ZBED3: variants seen among roughly 807,000 people sequenced by gnomAD.
ZBED3 encodes zinc finger BED domain-containing protein 3.
For missense variants in ZBED3, 388 were observed against 362.9 expected, an observed-to-expected ratio of 1.07 and a Z score of -0.56; for synonymous variants, 175 against 180.0, an observed-to-expected ratio of 0.97 and a Z score of 0.22.
At chr5:77,086,322 T>C (rs1228360883) in intron 1 of ZBED3, among the ~76,000 whole-genome samples, 2 of 152,152 alleles carry the variant, frequency 1.3e-5, no homozygotes, top group Non-Finnish European at 2.9e-5. Flanking sequence ...TACGTATTGC[T>C]GTCTACTTTT....
chr5:77,077,593 C>A lies in ZBED3; in HGVS notation c.286G>T (p.Ala96Ser). The change falls in exon 3 of 3, where the codon GCG becomes TCG. Residue 96 changes from alanine to serine, a missense_variant. By Grantham distance (99) the Ala-to-Ser change is moderately conservative. Coordinates refer to ENST00000255198, the MANE Select transcript of ZBED3 (RefSeq NM_032367.4). ...CTGCTCTCCAGCTCCCGCCGGTGCG[C>A]GCTCCTCAGGTGCCTCCACAACGCC... ...TSALWRHLRS[A>S]HRRELESSGA... 7.4e-7 allele frequency: 1 copy of A among 1,351,322 alleles called. No homozygotes were observed. The highest frequency in any genetic ancestry group is 9.5e-7 in the Non-Finnish European group (1 of 1,049,728). 83.7% of individuals were successfully genotyped at this position (1,351,322 alleles called of 1,614,324 possible). A position where few individuals can be genotyped will look rare whatever the true frequency, so the allele number is the denominator to read the frequency against.
In ZBED3 at chr5:77,077,415, A is replaced by G. The variant is rs2303713; in HGVS notation, c.464T>C (p.Leu155Pro). 0.28 allele frequency: 338,820 copies of G among 1,231,202 alleles called. 47,933 individuals are homozygous for G. Among genetic ancestry groups the G allele is most frequent in the Non-Finnish European group, 0.29 (282,852 of 985,018 alleles). 76.3% of individuals were successfully genotyped at this position (1,231,202 alleles called of 1,614,324 possible). The change falls in exon 3 of 3, where the codon CTG (leucine) becomes CCG (proline). Residue 155 changes from leucine (L) to proline (P), a missense_variant. By Grantham distance (98) the Leu-to-Pro change is moderately conservative. Coordinates refer to ENST00000255198, the MANE Select transcript of ZBED3 (RefSeq NM_032367.4). The part of the protein sequence containing the change: ...RRERELERRE[L>P]AVEQGERALE... ...GGCGCGCTCGCCCTGCTCCACGGCCAGCTCGCGCCGCTCCAGCTCCCGCTC... is the reference window on the plus strand; with the variant it reads ...GGCGCGCTCGCCCTGCTCCACGGCCGGCTCGCGCCGCTCCAGCTCCCGCTC...
At position 77,077,276 on chromosome 5, in the gene ZBED3, G is replaced by A; in HGVS notation, c.603C>T (p.Arg201=). 1 of 1,416,638 alleles carries A rather than the reference G, an allele frequency of 7.1e-7. No individual in the cohort carries two copies. The highest frequency in any genetic ancestry group is 9.2e-7 in the Non-Finnish European group (1 of 1,086,702). The allele number at this position is 1,416,638 out of a possible 1,614,324, so 87.8% of individuals were successfully genotyped here. A position where few individuals can be genotyped will look rare whatever the true frequency, so the allele number is the denominator to read the frequency against. The change falls in exon 3 of 3, where the codon CGC becomes CGT. Residue 201 remains arginine (R), a synonymous_variant. Transcript: ENST00000255198. ...ALQARLRDVS[R]REGALGWAPA... ...GGGCCCAGCCCAGGGCGCCCTCACG[G>A]CGGCTCACATCCCGCAGCCGCGCCT...
Position 77,077,464 on chromosome 5 carries a change from G to T in ZBED3, c.415C>A (p.Leu139Met). Residue 139 changes from leucine to methionine, a missense_variant, in exon 3 of 3, where the codon CTG (leucine) becomes ATG (methionine). Transcript: ENST00000255198. The part of the protein sequence containing the change: ...WARLLEQMGA[L>M]AVRGSRRERE... ...TCCCGCCGGCTGCCGCGCACGGCCA[G>T]CGCGCCCATCTGTTCCAGCAGGCGC... The T allele has an allele frequency of 8.3e-7, 1 of 1,208,016 alleles. No individual in the cohort carries two copies. Among genetic ancestry groups the T allele is most frequent in the Non-Finnish European group, 1.0e-6 (1 of 973,214 alleles). 74.8% of individuals were successfully genotyped at this position (1,208,016 alleles called of 1,614,324 possible). A position where few individuals can be genotyped will look rare whatever the true frequency, so the allele number is the denominator to read the frequency against.
Position 77,075,307 on chromosome 5 carries a change from G to A in ZBED3, c.*1867C>T, listed in dbSNP as rs1178863979. 1 of 152,186 alleles carries A rather than the reference G, an allele frequency of 6.6e-6. No individual in the cohort carries two copies. Among genetic ancestry groups the A allele is most frequent in the Non-Finnish European group, 1.5e-5 (1 of 68,030 alleles). 9.4% of individuals were successfully genotyped at this position (152,186 alleles called of 1,614,324 possible). Reference sequence around the variant, plus strand: ...GGGAAAATATGTTGGGGTTGTTGTAGACTGAAAGTGACTAGAGTTGAAACC... The same window carrying A: ...GGGAAAATATGTTGGGGTTGTTGTAAACTGAAAGTGACTAGAGTTGAAACC... On this transcript the variant is annotated 3_prime_UTR_variant, in exon 3 of 3. Transcript: ENST00000255198.
chr5:77,085,379 A>G (rs1743216857), intron 1 of ZBED3, among the ~76,000 whole-genome samples: 2 of 152,244 alleles, frequency 1.3e-5, no homozygotes, highest in African/African-American at 4.8e-5. Context: ...CACATAAAAA[A>G]TATTTGGCAG....
Position 77,076,763 on chromosome 5 carries a change from G to C in ZBED3, c.*411C>G, listed in dbSNP as rs1416009585. ...TCCACCTTGGGCTGCTGGGTGTATA[G>C]GCACATGGTGTGATAAGTCTTTGGT... On this transcript the variant is annotated 3_prime_UTR_variant, in exon 3 of 3. Transcript: ENST00000255198. The C allele has an allele frequency of 1.3e-5, 2 of 157,548 alleles. No individual in the cohort carries two copies. The highest frequency in any genetic ancestry group is 2.4e-5 in the African/African-American group (1 of 41,390). 9.8% of individuals were successfully genotyped at this position (157,548 alleles called of 1,614,324 possible).
rs1159328230 is a variant in ZBED3 at position 77,075,944 on chromosome 5, CAT to C, written c.*1228_*1229del. On this transcript the variant is annotated 3_prime_UTR_variant, in exon 3 of 3. Coordinates refer to ENST00000255198, the MANE Select transcript of ZBED3 (RefSeq NM_032367.4). The stretch of plus-strand genomic sequence containing the variant: ...CCTAGAACTTAAAGTATTATATATA[CAT>C]ATATATATATATATATATATGTATA... 0.047 allele frequency: 1,112 copies of C among 23,614 alleles called. 313 individuals carry two copies. Among genetic ancestry groups the C allele is most frequent in the African/African-American group, 0.14 (852 of 6,170 alleles). The allele number at this position is 23,614 out of a possible 1,614,324, so 1.5% of individuals were successfully genotyped here.
intron 1 of ZBED3, among the ~76,000 whole-genome samples, chr5:77,081,801 T>C (rs1020449085): frequency 3.2e-4 from 49 of 152,186 alleles, no homozygotes; most frequent in African/African-American, 1.1e-3. Flanking sequence ...CCAACTCTCA[T>C]TCAAATGCTC....
chr5:77,087,103 A>C lies in ZBED3; in HGVS notation c.-153+8T>G, dbSNP rs942568740. The C allele has an allele frequency of 1.3e-5, 2 of 152,336 alleles. No individual in the cohort carries two copies. The highest frequency in any genetic ancestry group is 2.9e-5 in the Non-Finnish European group (2 of 68,144). The allele number at this position is 152,336 out of a possible 1,614,324, so 9.4% of individuals were successfully genotyped here. The stretch of plus-strand genomic sequence containing the variant: ...GCCTCGCCACCGAGTCTGGAAGCCC[A>C]CACTCACCCCTTTACCCGGGAAACG... On this transcript the variant is annotated splice_region_variant and intron_variant, in intron 1 of 2. Coordinates refer to ENST00000255198, the MANE Select transcript of ZBED3 (RefSeq NM_032367.4).
In ZBED3 at chr5:77,075,501, G is replaced by A. The variant is rs1580143693; in HGVS notation, c.*1673C>T. On this transcript the variant is annotated 3_prime_UTR_variant, in exon 3 of 3. Transcript: ENST00000255198. Reference sequence around the variant, plus strand: ...CATCTTAATGTAATCATGTAGAACGGTGTCTTTGTGCTCAGGAAATCTATG... The same window carrying A: ...CATCTTAATGTAATCATGTAGAACGATGTCTTTGTGCTCAGGAAATCTATG... 1 of 152,098 alleles carries A rather than the reference G, an allele frequency of 6.6e-6. No homozygotes were observed. The highest frequency in any genetic ancestry group is 6.5e-5 in the Admixed American group (1 of 15,274). 9.4% of individuals were successfully genotyped at this position (152,098 alleles called of 1,614,324 possible).
chr5:77,084,914 G>T (rs1743207500), intron 1 of ZBED3, among the ~76,000 whole-genome samples: 1 of 152,144 alleles, frequency 6.6e-6, no homozygotes, highest in Non-Finnish European at 1.5e-5. Flanking sequence ...CTGCTAACAT[G>T]AAATTAACAG....
intron 1 of ZBED3, among the ~76,000 whole-genome samples, chr5:77,085,902 G>T (rs1310498367): frequency 6.6e-6 from 1 of 152,186 alleles, no homozygotes; most frequent in Non-Finnish European, 1.5e-5. Flanking sequence ...TAAAAATTTA[G>T]AAAAAGGTTA....
chr5:77,077,159 G>A lies in ZBED3; in HGVS notation c.*15C>T, dbSNP rs763172780. The A allele has an allele frequency of 1.0e-5, 15 of 1,435,654 alleles. No individual in the cohort carries two copies. In the African/African-American group the frequency reaches 1.8e-4, roughly 17 times the overall value. The allele number at this position is 1,435,654 out of a possible 1,614,324, so 88.9% of individuals were successfully genotyped here. Reference sequence around the variant, plus strand: ...CGGAGAAGCGCTGTCCTGGGGTGGGGAAGTGGCCACACCCCTACAGGAGGA... The same window carrying A: ...CGGAGAAGCGCTGTCCTGGGGTGGGAAAGTGGCCACACCCCTACAGGAGGA... On this transcript the variant is annotated 3_prime_UTR_variant, in exon 3 of 3. Coordinates refer to ENST00000255198, the MANE Select transcript of ZBED3 (RefSeq NM_032367.4).
At chr5:77,078,279 T>G (rs925615092) in intron 2 of ZBED3, among the ~76,000 whole-genome samples, 16 of 152,224 alleles carry the variant, frequency 1.1e-4, no homozygotes, top group Non-Finnish European at 2.1e-4. Flanking sequence ...ATAAAAAAGG[T>G]ACTGTCTTCA....
chr5:77,081,601 C>T (rs1286360165), intron 1 of ZBED3, among the ~76,000 whole-genome samples: 3 of 152,050 alleles, frequency 2.0e-5, no homozygotes, highest in East Asian at 1.9e-4. Flanking sequence ...ACACCTGCCT[C>T]GGCCTCCCAA....
intron 2 of ZBED3, 119 bp from the exon 3 acceptor site, chr5:77,078,014 G>A: frequency 1.5e-6 from 1 of 664,756 alleles, no homozygotes; most frequent in Non-Finnish European, 2.1e-6. Flanking sequence ...AGCCTATAGT[G>A]TGTGTAGATA....
chr5:77,076,654 A>AG lies in ZBED3; in HGVS notation c.*519dup, dbSNP rs995720914. ...AGGGGACGTCCCTCACCCACCCTTC[A>AG]GAACTTGGTGTTGGGCAGATTATGC... On this transcript the variant is annotated 3_prime_UTR_variant, in exon 3 of 3. Transcript: ENST00000255198. The AG allele has an allele frequency of 3.3e-5, 5 of 151,156 alleles. No individual in the cohort carries two copies. Among genetic ancestry groups the AG allele is most frequent in the African/African-American group, 1.2e-4 (5 of 41,088 alleles). 9.4% of individuals were successfully genotyped at this position (151,156 alleles called of 1,614,324 possible).
chr5:77,077,182 G>C lies in ZBED3; in HGVS notation c.697C>G (p.Leu233Val). Reference sequence around the variant, plus strand: ...GGGAAGTGGCCACACCCCTACAGGAGGACCTTTGTGATGACGCAGCCGTCC... The same window carrying C: ...GGGAAGTGGCCACACCCCTACAGGACGACCTTTGTGATGACGCAGCCGTCC... The part of the protein sequence containing the change: ...DRDGCVITKV[L>V]L The change falls in exon 3 of 3, where the codon CTC (leucine) becomes GTC (valine). Residue 233 changes from leucine to valine, a missense_variant. By Grantham distance (32) the Leu-to-Val change is conservative (BLOSUM62 1). Transcript: ENST00000255198. The C allele has an allele frequency of 6.7e-7, 1 of 1,487,742 alleles. No individual in the cohort carries two copies. The highest frequency in any genetic ancestry group is 8.9e-7 in the Non-Finnish European group (1 of 1,123,808). The allele number at this position is 1,487,742 out of a possible 1,614,324, so 92.2% of individuals were successfully genotyped here.
Sources: allele counts gnomAD v4.1 joint callset (sites outside exome capture counted in the v4.1 genomes callset), GRCh38; gene constraint gnomAD v4.1.1; transcripts MANE v1.5; gene names NCBI Gene and HGNC (gene_info 2026-07-23, HGNC 2026-07-21).